Variants in VMP1 observed in about 807,000 individuals in gnomAD.
The protein encoded by VMP1 is ectopic P-granules autophagy protein 3 homolog.
VMP1 carries 11 observed loss-of-function variants against 56.0 expected under a neutral mutation model. That is an observed-to-expected ratio of 0.20 (90% confidence interval 0.12 to 0.32). The LOEUF is 0.32. Ranked by LOEUF, VMP1 falls within the 10% of genes least tolerant of loss-of-function variation. VMP1 has a pLI of 1.00. For missense variants in VMP1, 296 were observed against 490.3 expected, an observed-to-expected ratio of 0.60 and a Z score of 3.74; for synonymous variants, 149 against 165.0, an observed-to-expected ratio of 0.90 and a Z score of 0.74.
intron 5 of VMP1, among the ~76,000 whole-genome samples, chr17:59,739,710 C>G (rs1399756331): frequency 3.9e-5 from 4 of 102,010 alleles, no homozygotes; most frequent in Non-Finnish European, 7.3e-5. Context: ...GGCGACAGAG[C>G]AAGACTCTGT....
At chr17:59,767,123 G>GTT (rs908169495) in intron 6 of VMP1, among the ~76,000 whole-genome samples, 1 of 143,018 alleles carries the variant, frequency 7.0e-6, no homozygotes. Context: ...ACCATTTGAG[G>GTT]TTTTTTTTTT....
At chr17:59,734,412 T>C (rs1380501297) in intron 2 of VMP1, among the ~76,000 whole-genome samples, 1 of 152,168 alleles carries the variant, frequency 6.6e-6, no homozygotes, top group Non-Finnish European at 1.5e-5. Flanking sequence ...CAAGATTTTA[T>C]TATACTACTC....
intron 7 of VMP1, among the ~76,000 whole-genome samples, chr17:59,792,329 TCCC>T (rs1303050672): frequency 1.3e-5 from 2 of 152,146 alleles, no homozygotes; most frequent in Non-Finnish European, 2.9e-5. Flanking sequence ...TGTTGACATT[TCCC>T]ATAATAGAGA....
At chr17:59,724,839 G>T (rs1186212878) in intron 1 of VMP1, among the ~76,000 whole-genome samples, 11 of 151,014 alleles carry the variant, frequency 7.3e-5, no homozygotes, top group African/African-American at 2.7e-4. Flanking sequence ...GGTGGCGGGC[G>T]CCTGTAGTCC....
chr17:59,825,626 A>G (rs565796260), intron 10 of VMP1, among the ~76,000 whole-genome samples: 1 of 152,336 alleles, frequency 6.6e-6, no homozygotes, highest in South Asian at 2.1e-4. Context: ...GTCTTATTGG[A>G]AGACAAAGTC....
chr17:59,837,244 C>G (rs543782656), intron 10 of VMP1, among the ~76,000 whole-genome samples: 2 of 151,912 alleles, frequency 1.3e-5, no homozygotes, highest in South Asian at 4.2e-4. Context: ...AGTCAGTGTA[C>G]TTAATAGGAC....
At chr17:59,738,811 G>A in intron 4 of VMP1, 26 bp from the exon 5 acceptor site, 2 of 1,523,822 alleles carry the variant, frequency 1.3e-6, no homozygotes, top group African/African-American at 1.4e-5. Context: ...AGAATTCACG[G>A]TTTTCACCTC....
chr17:59,734,689 T>C (rs1380796143), intron 2 of VMP1, among the ~76,000 whole-genome samples: 1 of 152,122 alleles, frequency 6.6e-6, no homozygotes, highest in Non-Finnish European at 1.5e-5. Flanking sequence ...GCTGTGATTA[T>C]GCCACTGCAT....
intron 9 of VMP1, among the ~76,000 whole-genome samples, chr17:59,816,978 A>G (rs1294856105): frequency 2.1e-5 from 3 of 142,352 alleles, no homozygotes; most frequent in South Asian, 4.5e-4. Flanking sequence ...AAGAAAGAAA[A>G]AAAAAAAGGG....
intron 6 of VMP1, among the ~76,000 whole-genome samples, chr17:59,767,726 G>A (rs964573681): frequency 6.6e-6 from 1 of 152,038 alleles, no homozygotes; most frequent in Non-Finnish European, 1.5e-5. Flanking sequence ...CTTTAAATTA[G>A]TTAATTTGGC....
chr17:59,735,578 A>T, intron 3 of VMP1, 105 bp downstream of exon 3: 1 of 1,217,710 alleles, frequency 8.2e-7, no homozygotes, highest in Non-Finnish European at 1.2e-6. Flanking sequence ...AAAATGGATT[A>T]ATTACCTTTA....
chr17:59,736,867 C>A (rs1329320691), intron 3 of VMP1, among the ~76,000 whole-genome samples: 1 of 150,648 alleles, frequency 6.6e-6, no homozygotes, highest in Non-Finnish European at 1.5e-5. Context: ...ATAGTGAAAC[C>A]CCGTCTCTAC....
intron 10 of VMP1, among the ~76,000 whole-genome samples, chr17:59,823,878 A>G (rs745939908): frequency 2.8e-4 from 42 of 152,262 alleles, no homozygotes; most frequent in Non-Finnish European, 3.1e-4. Context: ...TTGTCATGGT[A>G]GAGAACAAAA....
chr17:59,806,126 A>G (rs1372810853), intron 7 of VMP1, among the ~76,000 whole-genome samples: 1 of 152,182 alleles, frequency 6.6e-6, no homozygotes, highest in Non-Finnish European at 1.5e-5. Flanking sequence ...CAAATGGATT[A>G]TAAACTTAGT....
intron 6 of VMP1, among the ~76,000 whole-genome samples, chr17:59,771,928 C>T (rs1409295095): frequency 1.3e-5 from 2 of 151,882 alleles, no homozygotes; most frequent in Non-Finnish European, 2.9e-5. Context: ...TGCCTATATC[C>T]ATGTATATAT....
At chr17:59,745,189 G>C (rs998848942) in intron 5 of VMP1, among the ~76,000 whole-genome samples, 2 of 152,248 alleles carry the variant, frequency 1.3e-5, no homozygotes, top group Non-Finnish European at 2.9e-5. Flanking sequence ...GATGTTGCTT[G>C]AGATCTTTGT....
intron 10 of VMP1, among the ~76,000 whole-genome samples, chr17:59,833,026 T>A (rs2038868523): frequency 6.6e-6 from 1 of 152,124 alleles, no homozygotes; most frequent in Admixed American, 6.6e-5. Context: ...TGCAAGAATG[T>A]AATGGCTTAG....
intron 10 of VMP1, 104 bp from the exon 11 acceptor site, chr17:59,838,191 C>A: frequency 1.4e-6 from 1 of 697,858 alleles, no homozygotes; most frequent in Non-Finnish European, 2.3e-6. Context: ...CCTATCCAAT[C>A]CCTGCCTTTT....
intron 5 of VMP1, among the ~76,000 whole-genome samples, chr17:59,761,420 A>G (rs1441585984): frequency 1.3e-5 from 2 of 152,164 alleles, no homozygotes; most frequent in African/African-American, 4.8e-5. Flanking sequence ...TGTTGATTGT[A>G]TGGATTTTGT....
Sources: gnomAD v4.1 joint callset for allele counts (sites outside exome capture counted in the v4.1 genomes callset) on GRCh38, gnomAD v4.1.1 for gene constraint, MANE v1.5 for transcripts, NCBI Gene and HGNC (gene_info 2026-07-23, HGNC 2026-07-21) for gene names.